The following NFATC2 variants were observed in gnomAD, a reference collection of about 807,000 sequenced individuals.
The protein encoded by NFATC2 is nuclear factor of activated T cells 2.
In NFATC2, 22 loss-of-function variants were observed where a neutral mutation model predicts 87.3. The observed-to-expected ratio is 0.25, with a 90% CI of 0.18 to 0.36. The LOEUF (loss-of-function observed/expected upper bound fraction) is 0.36, where lower values mean the gene tolerates loss of function less well. Among genes scored for constraint, NFATC2 ranks in the 10% least tolerant of loss-of-function variants. The probability of loss-of-function intolerance (pLI) is 1.00; values close to 1 mark genes in which losing one functional copy is unlikely to be tolerated. For synonymous variants in NFATC2, 565 were observed against 542.2 expected (o/e 1.04, Z -0.58); for missense variants, 1,149 against 1,259.1 (o/e 0.91, Z 1.32).
intron 5 of NFATC2, among the ~76,000 whole-genome samples, chr20:51,460,472 AC>A (rs1198417457): frequency 6.6e-6 from 1 of 152,222 alleles, no homozygotes; most frequent in Non-Finnish European, 1.5e-5. Flanking sequence ...AAGGTTAGCA[AC>A]ACTAAAAGCT....
chr20:51,493,902 T>C (rs2075942718), intron 3 of NFATC2, among the ~76,000 whole-genome samples: 2 of 152,126 alleles, frequency 1.3e-5, no homozygotes, highest in Admixed American at 6.5e-5. Context: ...GATCCGAGAC[T>C]GGTTGGGGCT....
At chr20:51,433,709 C>T (rs1466663573) in intron 8 of NFATC2, among the ~76,000 whole-genome samples, 1 of 151,466 alleles carries the variant, frequency 6.6e-6, no homozygotes, top group Non-Finnish European at 1.5e-5. Context: ...AGGACTGTGA[C>T]CAAGTGTGTG....
chr20:51,540,795 T>C (rs1172385217), intron 1 of NFATC2, among the ~76,000 whole-genome samples: 1 of 151,616 alleles, frequency 6.6e-6, no homozygotes, highest in Non-Finnish European at 1.5e-5. Context: ...GGAAACTATT[T>C]CCCCGGAAAT....
At chr20:51,398,263 T>C (rs1352509229) in intron 10 of NFATC2, among the ~76,000 whole-genome samples, 1 of 152,218 alleles carries the variant, frequency 6.6e-6, no homozygotes, top group Non-Finnish European at 1.5e-5. Flanking sequence ...CCCACTCTGC[T>C]GTTCCCCAGT....
intron 6 of NFATC2, among the ~76,000 whole-genome samples, chr20:51,447,021 G>A (rs932990118): frequency 3.9e-5 from 6 of 152,150 alleles, no homozygotes; most frequent in Non-Finnish European, 8.8e-5. Context: ...GGGAAGAGCA[G>A]GTGTCTGCTC....
At chr20:51,394,508 C>G (rs937186986) in intron 10 of NFATC2, among the ~76,000 whole-genome samples, 5 of 152,178 alleles carry the variant, frequency 3.3e-5, no homozygotes, top group Admixed American at 3.3e-4. Context: ...CAAACAGCCT[C>G]CTTGGCAAAG....
At chr20:51,544,223 G>A (rs1427936139), upstream of NFATC2, among the ~76,000 whole-genome samples, 4 of 151,730 alleles carry the variant, frequency 2.6e-5, no homozygotes, top group Admixed American at 6.6e-5. Context: ...TCCTGACCTC[G>A]TGATCCACCC....
At chr20:51,463,396 G>C (rs1282869666) in intron 5 of NFATC2, among the ~76,000 whole-genome samples, 1 of 152,088 alleles carries the variant, frequency 6.6e-6, no homozygotes, top group African/African-American at 2.4e-5. Context: ...CTCAGCTTCA[G>C]CTTTCTCATA....
intron 1 of NFATC2, among the ~76,000 whole-genome samples, chr20:51,550,182 A>C (rs1352782002): frequency 5.3e-5 from 8 of 152,112 alleles, no homozygotes; most frequent in African/African-American, 1.9e-4. Flanking sequence ...TGTCTCTATG[A>C]AAAATAAAAA....
rs141784148 is a variant in NFATC2 at position 51,421,441 on chromosome 20, G to A, written c.2722+10626C>T. Among the ~76,000 whole-genome samples the A allele has an allele frequency of 2.7e-3, 418 of 152,300 alleles. 2 individuals are homozygous for A. The highest frequency in any genetic ancestry group is 4.4e-3 in the Admixed American group (67 of 15,298). The stretch of plus-strand genomic sequence containing the variant: ...GGGGCACAATTCAAACGCCTAATGG[G>A]TCCAGATAGGAACCCTGAATGAGTG... On this transcript the variant is annotated intron_variant, in intron 9 of 10. Transcript: ENST00000371564.
intron 9 of NFATC2, among the ~76,000 whole-genome samples, chr20:51,425,577 G>T (rs1174085319): frequency 6.6e-6 from 1 of 152,250 alleles, no homozygotes; most frequent in African/African-American, 2.4e-5. Flanking sequence ...GGGCTCTGCG[G>T]TGACCAGGCT....
intron 3 of NFATC2, among the ~76,000 whole-genome samples, chr20:51,510,515 A>G (rs1163381812): frequency 1.3e-5 from 2 of 152,272 alleles, no homozygotes; most frequent in African/African-American, 4.8e-5. Context: ...TCCCCTTTTC[A>G]TCTGATACCT....
chr20:51,432,274 G>A lies in NFATC2; in HGVS notation c.2515C>T (p.Pro839Ser). The A allele has an allele frequency of 6.2e-7, 1 of 1,614,234 alleles. No homozygotes were observed. The highest frequency in any genetic ancestry group is 8.5e-7 in the Non-Finnish European group (1 of 1,180,036). Residue 839 changes from proline (P) to serine (S), a missense_variant, in exon 9 of 11, where the codon CCA becomes TCA. Around this residue, in one of 3 missense-constraint regions of NFATC2, gnomAD observed 581 missense variants for 649.7 expected, o/e 0.89. Coordinates refer to ENST00000371564, the MANE Select transcript of NFATC2 (RefSeq NM_012340.5). The surrounding 1 kb of genome is among the most constrained non-coding windows in gnomAD (Gnocchi z 4.6). ...QHIMYCENFAPGTTRPGPPPV... is the reference protein window; with the variant it reads ...QHIMYCENFASGTTRPGPPPV... ...GGCGGGCCAGGTCTGGTGGTGCCTG[G>A]TGCGAAATTCTCGCAGTACATGATG...
chr20:51,561,479 G>GC (rs1363754380), intron 1 of NFATC2, among the ~76,000 whole-genome samples: 162 of 127,046 alleles, frequency 1.3e-3, no homozygotes, highest in Middle Eastern at 3.7e-3. Flanking sequence ...AAGAAAGAAA[G>GC]AAAGAAAGCA....
chr20:51,491,871 TACAC>T (rs1472795857), intron 3 of NFATC2, among the ~76,000 whole-genome samples: 1 of 86,366 alleles, frequency 1.2e-5, no homozygotes, highest in African/African-American at 4.2e-5. Context: ...AACACACACA[TACAC>T]ATACACACAC....
intron 5 of NFATC2, among the ~76,000 whole-genome samples, chr20:51,460,541 G>A (rs904233793): frequency 2.0e-5 from 3 of 151,478 alleles, no homozygotes; most frequent in Admixed American, 1.3e-4. Context: ...ATATATTTTA[G>A]CATATATGTA....
At chr20:51,533,138 C>A (rs1224827555) in intron 1 of NFATC2, among the ~76,000 whole-genome samples, 2 of 152,222 alleles carry the variant, frequency 1.3e-5, no homozygotes, top group Admixed American at 1.3e-4. Flanking sequence ...GACAGAGAGG[C>A]AAACCTCGCC....
At chr20:51,431,601 TTTC>T (rs1336669984) in intron 9 of NFATC2, among the ~76,000 whole-genome samples, 1 of 152,160 alleles carries the variant, frequency 6.6e-6, no homozygotes, top group Non-Finnish European at 1.5e-5. Context: ...TTCAATGAGC[TTTC>T]TTCTTCCTTT....
At position 51,435,735 on chromosome 20, in the gene NFATC2, C is replaced by A; in HGVS notation, c.1876G>T (p.Ala626Ser). Residue 626 changes from alanine to serine, a missense_variant, in exon 7 of 11, where the codon GCC (alanine) becomes TCC (serine). Around this residue, in one of 3 missense-constraint regions of NFATC2, gnomAD observed 581 missense variants for 649.7 expected, o/e 0.89. Transcript: ENST00000371564. ...TDGQQIWEMEATVDKDKSQPN... is the reference protein window; with the variant it reads ...TDGQQIWEMESTVDKDKSQPN... ...TGGCTCTTGTCCTTATCCACCGTGG[C>A]TTCCATCTCCCAAATTTGCTGTCCA... The A allele has an allele frequency of 6.2e-7, 1 of 1,608,396 alleles. No individual in the cohort carries two copies. Among genetic ancestry groups the A allele is most frequent in the Non-Finnish European group, 8.5e-7 (1 of 1,177,196 alleles).
Sources: gnomAD v4.1 joint callset for allele counts (sites outside exome capture counted in the v4.1 genomes callset) on GRCh38, gnomAD v4.1.1 for gene constraint, gnomAD v4.1.1 regional missense constraint, Gnocchi (gnomAD v3.1) non-coding constraint, MANE v1.5 for transcripts, NCBI Gene and HGNC (gene_info 2026-07-23, HGNC 2026-07-21) for gene names.